The following AGBL4 variants were observed in gnomAD, a reference collection of about 807,000 sequenced individuals.
The protein encoded by AGBL4 is cytosolic carboxypeptidase 6.
AGBL4 carries 58 observed loss-of-function variants against 66.4 expected under a neutral mutation model. That is an observed-to-expected ratio of 0.87 (90% confidence interval 0.71 to 1.09). The LOEUF (loss-of-function observed/expected upper bound fraction) is 1.09. Ranked by LOEUF, AGBL4 falls within the 50% of genes least tolerant of loss-of-function variation. The pLI is 0.00. For missense variants in AGBL4, 579 were observed against 631.0 expected, an observed-to-expected ratio of 0.92 and a Z score of 0.88; for synonymous variants, 234 against 222.9, an observed-to-expected ratio of 1.05 and a Z score of -0.44.
Position 50,023,922 on chromosome 1 carries a change from G to C in AGBL4, c.-126C>G. On this transcript the variant is annotated 5_prime_UTR_variant, in exon 1 of 14. Coordinates refer to ENST00000371839, the MANE Select transcript of AGBL4 (RefSeq NM_032785.4). ...CGGCACGACGGTTGCCTGGGCAACG[G>C]GCGGCAGGCGCGCGGGTGGCCGGCG... is the stretch of plus-strand genomic sequence containing the variant. The C allele has an allele frequency of 1.8e-6, 2 of 1,120,786 alleles. No homozygotes were observed. The highest frequency in any genetic ancestry group is 4.6e-4 in the Middle Eastern group (2 of 4,372). 69.4% of individuals were successfully genotyped at this position (1,120,786 alleles called of 1,614,324 possible).
At chr1:49,997,315 C>CCTAA (rs1660441197) in intron 1 of AGBL4, among the ~76,000 whole-genome samples, 1 of 151,984 alleles carries the variant, frequency 6.6e-6, no homozygotes, top group Non-Finnish European at 1.5e-5. Flanking sequence ...AAGAGACTTG[C>CCTAA]CTAACACATA....
At chr1:48,759,539 C>G (rs999551768) in intron 6 of AGBL4, among the ~76,000 whole-genome samples, 13 of 152,222 alleles carry the variant, frequency 8.5e-5, no homozygotes, top group African/African-American at 2.9e-4. Flanking sequence ...CCCAGGCCTG[C>G]ACTTTTTCCT....
chr1:50,012,144 C>T (rs915081349), intron 1 of AGBL4, among the ~76,000 whole-genome samples: 7 of 133,632 alleles, frequency 5.2e-5, no homozygotes, highest in Non-Finnish European at 1.1e-4. Context: ...CCGGCCTGGG[C>T]GACAGAGCGA....
At chr1:49,877,988 A>G (rs1453024735) in intron 1 of AGBL4, among the ~76,000 whole-genome samples, 11 of 151,842 alleles carry the variant, frequency 7.2e-5, no homozygotes, top group South Asian at 2.1e-4. Context: ...TTGTATTTCT[A>G]TGGGATCGGT....
At chr1:49,266,339 C>T (rs971081119) in intron 3 of AGBL4, 2 of 151,936 alleles carry the variant, frequency 1.3e-5, no homozygotes, top group Non-Finnish European at 2.9e-5. Flanking sequence ...AGAAAAAGAT[C>T]TTTCAGGGAG....
At chr1:49,738,614 G>A (rs1424500327) in intron 2 of AGBL4, among the ~76,000 whole-genome samples, 1 of 152,166 alleles carries the variant, frequency 6.6e-6, no homozygotes, top group Non-Finnish European at 1.5e-5. Context: ...CTCCTCAAGT[G>A]GGTCCTTGAC....
intron 1 of AGBL4, among the ~76,000 whole-genome samples, chr1:49,873,390 A>G (rs1220020120): frequency 6.6e-6 from 1 of 152,082 alleles, no homozygotes; most frequent in Non-Finnish European, 1.5e-5. Flanking sequence ...TTTAAAAAGA[A>G]AAGAGGAGAG....
intron 3 of AGBL4, among the ~76,000 whole-genome samples, chr1:49,331,000 G>A (rs77137298): frequency 6.6e-6 from 1 of 152,162 alleles, no homozygotes; most frequent in African/African-American, 2.4e-5. Context: ...AAGGGAAGCA[G>A]TGAGTGAATG....
chr1:48,539,235 T>C lies in AGBL4; in HGVS notation c.1364+407A>G, dbSNP rs1016386531. Among the ~76,000 whole-genome samples the C allele has an allele frequency of 3.3e-5, 5 of 152,292 alleles. No homozygotes were observed. In the East Asian group the frequency reaches 9.7e-4, roughly 29 times the overall value. On this transcript the variant is annotated intron_variant, in intron 12 of 13. Coordinates refer to ENST00000371839, the MANE Select transcript of AGBL4 (RefSeq NM_032785.4). The stretch of plus-strand genomic sequence containing the variant: ...TTTAACACATATCTCATAATAATCA[T>C]GTATGTGAGGACTGCTGTCCTCACT...
chr1:48,926,699 C>T (rs1219533456), intron 5 of AGBL4, among the ~76,000 whole-genome samples: 1 of 152,136 alleles, frequency 6.6e-6, no homozygotes, highest in Non-Finnish European at 1.5e-5. Flanking sequence ...GATTCTACTG[C>T]TACCCTATTA....
intron 3 of AGBL4, among the ~76,000 whole-genome samples, chr1:49,273,841 G>GA (rs1644112087): frequency 1.3e-5 from 2 of 151,854 alleles, no homozygotes; most frequent in Admixed American, 1.3e-4. Context: ...ATGCCCTGAT[G>GA]ACTTTTTGTT....
chr1:49,301,750 C>T (rs1418963346), intron 3 of AGBL4, among the ~76,000 whole-genome samples: 2 of 152,080 alleles, frequency 1.3e-5, no homozygotes, highest in African/African-American at 4.8e-5. Context: ...TTTTTTAGAC[C>T]TTCCATTCTG....
intron 4 of AGBL4, among the ~76,000 whole-genome samples, chr1:49,094,349 G>T (rs1364831874): frequency 6.6e-6 from 1 of 152,050 alleles, no homozygotes; most frequent in Non-Finnish European, 1.5e-5. Context: ...TATTATCTGG[G>T]ATTATCTGGA....
intron 4 of AGBL4, among the ~76,000 whole-genome samples, chr1:49,162,702 C>T (rs549117848): frequency 6.6e-6 from 1 of 152,102 alleles, no homozygotes; most frequent in African/African-American, 2.4e-5. Context: ...TTAATTATAG[C>T]TCTGTCATTT....
intron 2 of AGBL4, among the ~76,000 whole-genome samples, chr1:49,761,580 T>C (rs932598348): frequency 6.6e-6 from 1 of 152,180 alleles, no homozygotes; most frequent in African/African-American, 2.4e-5. Flanking sequence ...AATTGACACA[T>C]TGTAATTGTA....
At chr1:48,850,294 C>T (rs1266294887) in intron 6 of AGBL4, among the ~76,000 whole-genome samples, 2 of 152,164 alleles carry the variant, frequency 1.3e-5, no homozygotes, top group African/African-American at 4.8e-5. Flanking sequence ...GCCCTGTTTG[C>T]AGCTGTCAGA....
At chr1:49,828,731 G>C (rs980819791) in intron 2 of AGBL4, among the ~76,000 whole-genome samples, 6 of 152,138 alleles carry the variant, frequency 3.9e-5, no homozygotes, top group Non-Finnish European at 8.8e-5. Flanking sequence ...AATATTTCTG[G>C]GTACTGTGTA....
chr1:49,891,863 TCACTTAA>T (rs1457321923), intron 1 of AGBL4, among the ~76,000 whole-genome samples: 1 of 152,216 alleles, frequency 6.6e-6, no homozygotes, highest in Non-Finnish European at 1.5e-5. Context: ...AATTGAGTAT[TCACTTAA>T]CACTTTGAGA....
intron 3 of AGBL4, among the ~76,000 whole-genome samples, chr1:49,379,409 C>T (rs952172151): frequency 1.3e-5 from 2 of 152,078 alleles, no homozygotes; most frequent in Admixed American, 1.3e-4. Flanking sequence ...AATCCATGCC[C>T]GTTTTGGCTA....
Sources: gnomAD v4.1 joint callset for allele counts (sites outside exome capture counted in the v4.1 genomes callset) on GRCh38, gnomAD v4.1.1 for gene constraint, MANE v1.5 for transcripts, NCBI Gene and HGNC (gene_info 2026-07-23, HGNC 2026-07-21) for gene names.